GABPB2: variants seen among roughly 807,000 people sequenced by gnomAD.
GABPB2 encodes GA binding protein transcription factor subunit beta 2.
GABPB2 carries 23 observed loss-of-function variants against 39.1 expected under a neutral mutation model. That is an observed-to-expected ratio of 0.59 (90% CI 0.42 to 0.83). GABPB2 has a LOEUF of 0.83. Ranked by LOEUF, GABPB2 falls within the 40% of genes least tolerant of loss-of-function variation. The pLI is 0.00. For missense variants in GABPB2, 467 were observed against 541.1 expected, an observed-to-expected ratio of 0.86 and a Z score of 1.36; for synonymous variants, 184 against 199.3, an observed-to-expected ratio of 0.92 and a Z score of 0.65.
At chr1:151,116,115 G>C (rs1680841968) in intron 7 of GABPB2, among the ~76,000 whole-genome samples, 1 of 151,582 alleles carries the variant, frequency 6.6e-6, no homozygotes. Context: ...AAAAAGGCCG[G>C]GTGTGGTAGC....
At chr1:151,105,274 T>C (rs1679866489) in intron 6 of GABPB2, among the ~76,000 whole-genome samples, 1 of 151,840 alleles carries the variant, frequency 6.6e-6, no homozygotes, top group Non-Finnish European at 1.5e-5. Flanking sequence ...CTTAGTTTAT[T>C]GGGATATTGA....
chr1:151,106,552 G>T (rs1428633603), intron 6 of GABPB2, among the ~76,000 whole-genome samples: 1 of 151,764 alleles, frequency 6.6e-6, no homozygotes, highest in Non-Finnish European at 1.5e-5. Flanking sequence ...TGGCCAGGCT[G>T]GTCTCTAACT....
intron 3 of GABPB2, among the ~76,000 whole-genome samples, chr1:151,091,759 G>A (rs1185704335): frequency 6.6e-6 from 1 of 151,998 alleles, no homozygotes; most frequent in Admixed American, 6.6e-5. Context: ...TTATAGGTGT[G>A]AGCCACCACG....
At chr1:151,077,356 G>GTT (rs35650542) in intron 1 of GABPB2, among the ~76,000 whole-genome samples, 63,340 of 110,494 alleles carry the variant, frequency 0.57, 20,958 homozygotes, top group East Asian at 0.86. Context: ...CAACTCATAG[G>GTT]TTTTTTTTTT....
At chr1:151,088,319 C>T (rs376687895) in intron 2 of GABPB2, 22 bp downstream of exon 2, 17 of 1,575,538 alleles carry the variant, frequency 1.1e-5, no homozygotes, top group Non-Finnish European at 1.4e-5. Flanking sequence ...GGAGAGGTCT[C>T]TTAATTATTT....
chr1:151,089,940 A>ATTTT (rs36109860), intron 2 of GABPB2, among the ~76,000 whole-genome samples: 1 of 143,758 alleles, frequency 7.0e-6, no homozygotes, highest in Non-Finnish European at 1.5e-5. Context: ...TAGCATGTTA[A>ATTTT]TTTTTTTTTT....
At position 151,122,655 on chromosome 1, in the gene GABPB2, A is replaced by G. The variant is rs1369897079; in HGVS notation, c.*4399A>G. ...TACTGACTAAAGGCAGAGAATGTCC[A>G]TCCAACATGCCCTTCTGACTATACA... On this transcript the variant is annotated 3_prime_UTR_variant, in exon 9 of 9. Transcript: ENST00000368918. 6.6e-6 allele frequency: 1 copy of G among 152,152 alleles called. No homozygotes were observed. Among genetic ancestry groups the G allele is most frequent in the Admixed American group, 6.5e-5 (1 of 15,268 alleles). The allele number at this position is 152,152 out of a possible 1,614,324, so 9.4% of individuals were successfully genotyped here.
chr1:151,094,177 G>A (rs1205795334), intron 4 of GABPB2, among the ~76,000 whole-genome samples: 2 of 149,230 alleles, frequency 1.3e-5, no homozygotes, highest in South Asian at 2.1e-4. Context: ...TTAGCCTCCC[G>A]AGCAGCTGGG....
chr1:151,100,580 CTTTTT>C (rs35251516), intron 5 of GABPB2, among the ~76,000 whole-genome samples: 26 of 46,716 alleles, frequency 5.6e-4, no homozygotes, highest in Non-Finnish European at 9.1e-4. Flanking sequence ...TGTGCCTGGC[CTTTTT>C]TTTTTTTTTT....
intron 1 of GABPB2, among the ~76,000 whole-genome samples, chr1:151,080,857 CA>C (rs773278566): frequency 4.5e-5 from 6 of 134,662 alleles, no homozygotes; most frequent in Admixed American, 7.3e-5. Context: ...CTATGTCTCA[CA>C]AAAAAAAAAT....
chr1:151,084,941 T>TA lies in GABPB2; in HGVS notation c.1-3240dup, dbSNP rs587674412. ...GCAGACTCTGTCTCTACAAAAAATT[T>TA]AAAAAAAAATTAGCTGGGCATGGTG... On this transcript the variant is annotated intron_variant, in intron 1 of 8. Coordinates refer to ENST00000368918, the MANE Select transcript of GABPB2 (RefSeq NM_144618.3). Among the ~76,000 whole-genome samples the TA allele has an allele frequency of 5.4e-3, 823 of 151,430 alleles. 10 individuals carry two copies. The highest frequency in any genetic ancestry group is 0.019 in the African/African-American group (787 of 41,298).
intron 3 of GABPB2, among the ~76,000 whole-genome samples, chr1:151,091,687 C>T (rs1678728875): frequency 1.3e-5 from 2 of 151,690 alleles, no homozygotes; most frequent in East Asian, 3.9e-4. Context: ...CTGTGTTGGC[C>T]AGGCTGGTCT....
chr1:151,091,233 G>A lies in GABPB2; in HGVS notation c.276+660G>A, dbSNP rs1343679421. The stretch of plus-strand genomic sequence containing the variant: ...CTCCCGAGTAGCTGGGATTACAGGC[G>A]CCCGCCACTACACCCAGCCAATTTT... On this transcript the variant is annotated intron_variant, in intron 3 of 8. Coordinates refer to ENST00000368918, the MANE Select transcript of GABPB2 (RefSeq NM_144618.3). Among the ~76,000 whole-genome samples the A allele has an allele frequency of 9.0e-3, 1,310 of 145,626 alleles. 14 individuals carry two copies. The highest frequency in any genetic ancestry group is 0.031 in the African/African-American group (1,255 of 39,938).
intron 1 of GABPB2, among the ~76,000 whole-genome samples, chr1:151,087,646 C>CA (rs909626387): frequency 3.8e-4 from 57 of 148,330 alleles, no homozygotes; most frequent in South Asian, 6.5e-4. Context: ...GACTTAGTCT[C>CA]AAAAAAAAAG....
chr1:151,112,235 A>C (rs1267112632), intron 7 of GABPB2: 1 of 150,602 alleles, frequency 6.6e-6, no homozygotes, highest in Non-Finnish European at 1.5e-5. Flanking sequence ...AAAAAAAAAA[A>C]AAAAAAAAAA....
chr1:151,114,179 TAAAAAAAAATACAAAA>T (rs1312070346), intron 7 of GABPB2, among the ~76,000 whole-genome samples: 3 of 147,716 alleles, frequency 2.0e-5, no homozygotes, highest in African/African-American at 7.5e-5. Context: ...AACCCATCTC[TAAAAAAAAATACAAAA>T]AAAAAAATAT....
At chr1:151,074,211 G>A (rs146338224) in intron 1 of GABPB2, among the ~76,000 whole-genome samples, 1,639 of 150,314 alleles carry the variant, frequency 0.011, 30 homozygotes, top group African/African-American at 0.037. Flanking sequence ...TCCTGACCTC[G>A]TGATTCTCCC....
chr1:151,087,697 T>C (rs1393410093), intron 1 of GABPB2, among the ~76,000 whole-genome samples: 1 of 152,102 alleles, frequency 6.6e-6, no homozygotes, highest in Admixed American at 6.6e-5. Context: ...GTGTCCTGTT[T>C]CATTGTGCTA....
Position 151,090,133 on chromosome 1 carries a change from G to A in GABPB2, c.109-273G>A, listed in dbSNP as rs141970823. 1.3e-3 allele frequency among the ~76,000 whole-genome samples: 194 copies of A among 151,914 alleles called. 2 individuals carry two copies. In the East Asian group the frequency reaches 0.035, roughly 27 times the overall value. ...TTTTTTTGTATTTTTTAGTTGAGAC[G>A]GGGTTTCACCATGTTGGCCAGAAGA... On this transcript the variant is annotated intron_variant, in intron 2 of 8. Transcript: ENST00000368918.
Sources: gnomAD v4.1 joint callset for allele counts (sites outside exome capture counted in the v4.1 genomes callset) on GRCh38, gnomAD v4.1.1 for gene constraint, MANE v1.5 for transcripts, NCBI Gene and HGNC (gene_info 2026-07-23, HGNC 2026-07-21) for gene names.